The following TTC7A variants were observed in gnomAD, a reference collection of about 807,000 sequenced individuals.
TTC7A encodes the protein tetratricopeptide repeat domain 7A.
Under a neutral mutation model 103.7 loss-of-function variants are expected in TTC7A, and 110 were observed. The observed-to-expected ratio is 1.06, with a 90% confidence interval of 0.91 to 1.24. TTC7A has a LOEUF of 1.24. Ranked by LOEUF, TTC7A falls within the 50% of genes most tolerant of loss-of-function variation. The pLI is 0.00. For synonymous variants in TTC7A, 521 were observed against 467.9 expected (o/e 1.11, Z -1.47); for missense variants, 1,340 against 1,116.3 (o/e 1.20, Z -2.86).
intron 15 of TTC7A, among the ~76,000 whole-genome samples, chr2:47,040,801 C>T (rs1462798919): frequency 6.6e-6 from 1 of 152,190 alleles, no homozygotes; most frequent in African/African-American, 2.4e-5. Context: ...TCCTGTTGTA[C>T]AGGTGTGGGA....
chr2:46,975,245 T>C, intron 4 of TTC7A, 142 bp downstream of exon 4: 1 of 1,111,046 alleles, frequency 9.0e-7, no homozygotes, highest in Admixed American at 2.5e-5. Flanking sequence ...TACTTCATAG[T>C]TGGAAAACTC....
At chr2:46,977,329 G>C (rs888626314) in intron 4 of TTC7A, among the ~76,000 whole-genome samples, 3 of 152,216 alleles carry the variant, frequency 2.0e-5, no homozygotes, top group Non-Finnish European at 4.4e-5. Context: ...TGACCTCTGA[G>C]GAACTAAGAC....
intron 10 of TTC7A, 37 bp downstream of exon 10, chr2:47,006,761 C>T (rs759678272): frequency 9.4e-6 from 14 of 1,494,584 alleles, no homozygotes; most frequent in Non-Finnish European, 1.2e-5. Flanking sequence ...GCACACTCAC[C>T]CGCAGGGGGC....
intron 15 of TTC7A, among the ~76,000 whole-genome samples, chr2:47,045,854 G>A (rs1682257963): frequency 6.6e-6 from 1 of 152,184 alleles, no homozygotes; most frequent in Admixed American, 6.5e-5. Context: ...TTCACTCACG[G>A]ATTCTAAGTC....
intron 3 of TTC7A, among the ~76,000 whole-genome samples, chr2:46,971,096 G>A (rs1203523251): frequency 1.3e-5 from 2 of 152,264 alleles, no homozygotes; most frequent in Non-Finnish European, 2.9e-5. Flanking sequence ...CATCCAGCCA[G>A]CAAATGCTTG....
At chr2:46,984,235 C>A (rs915968708) in intron 5 of TTC7A, among the ~76,000 whole-genome samples, 2 of 152,238 alleles carry the variant, frequency 1.3e-5, no homozygotes, top group Non-Finnish European at 2.9e-5. Context: ...CTGCCCACAG[C>A]AGGAATCCTG....
chr2:46,959,022 G>A (rs1672149846), intron 3 of TTC7A, among the ~76,000 whole-genome samples: 1 of 152,180 alleles, frequency 6.6e-6, no homozygotes, highest in Admixed American at 6.5e-5. Context: ...TGTCGCGGAT[G>A]AGGAGTTAAG....
chr2:46,950,269 G>C, intron 1 of TTC7A, 94 bp from the exon 2 acceptor site: 3 of 1,321,826 alleles, frequency 2.3e-6, no homozygotes, highest in Non-Finnish European at 3.2e-6. Context: ...CATGTACTGG[G>C]TATGGGTGGT....
intron 2 of TTC7A, among the ~76,000 whole-genome samples, chr2:46,956,150 C>G (rs1341949296): frequency 1.3e-5 from 2 of 152,196 alleles, no homozygotes; most frequent in Admixed American, 6.5e-5. Context: ...CTGAGAGTTC[C>G]TCTGTGGGAT....
intron 5 of TTC7A, among the ~76,000 whole-genome samples, chr2:46,983,354 C>T (rs542706478): frequency 3.3e-5 from 5 of 152,208 alleles, no homozygotes; most frequent in Non-Finnish European, 7.3e-5. Context: ...TTTTCGGTTG[C>T]TGAGCTTTGG....
chr2:47,011,504 G>A (rs1015197467), intron 11 of TTC7A, 69 bp downstream of exon 11: 22 of 1,246,878 alleles, frequency 1.8e-5, no homozygotes, highest in East Asian at 7.5e-5. Flanking sequence ...GGCTGTGCAC[G>A]TCTTGACGTG....
At chr2:47,072,917 C>T (rs1486962128) in intron 19 of TTC7A, among the ~76,000 whole-genome samples, 1 of 151,456 alleles carries the variant, frequency 6.6e-6, no homozygotes, top group African/African-American at 2.4e-5. Context: ...TTCCCAGCCT[C>T]TTCTTATGAC....
chr2:47,025,885 C>T (rs919509959), intron 14 of TTC7A, among the ~76,000 whole-genome samples: 65 of 152,240 alleles, frequency 4.3e-4, no homozygotes, highest in African/African-American at 1.4e-3. Flanking sequence ...AGGAGCATCC[C>T]TCCCCTCCCA....
rs143026829 is a variant in TTC7A, at chr2:46,942,134, G to A, written c.184+409G>A. Among the ~76,000 whole-genome samples, 228 of 152,334 alleles carry A rather than the reference G, an allele frequency of 1.5e-3. 3 individuals are homozygous for A. Among genetic ancestry groups the A allele is most frequent in the African/African-American group, 5.1e-3 (212 of 41,560 alleles). On this transcript the variant is annotated intron_variant, in intron 1 of 19. Transcript: ENST00000319190. ...AGTTCTCGCAAGTGACGTTGAAAAC[G>A]GAGCTCCGTCCGAAGCAGACAGGGG...
intron 2 of TTC7A, among the ~76,000 whole-genome samples, chr2:46,932,714 A>G (rs927917386): frequency 1.3e-5 from 2 of 151,866 alleles, no homozygotes; most frequent in Non-Finnish European, 2.9e-5. Context: ...CAGTTTGGCC[A>G]ACAAGGTGAA....
intron 2 of TTC7A, among the ~76,000 whole-genome samples, chr2:46,955,984 C>T (rs1671821301): frequency 6.6e-6 from 1 of 152,176 alleles, no homozygotes; most frequent in South Asian, 2.1e-4. Flanking sequence ...CGGGAGGTTA[C>T]AAGGAGAACT....
chr2:47,050,379 A>C, intron 17 of TTC7A: 1 of 289,468 alleles, frequency 3.5e-6, no homozygotes, highest in Non-Finnish European at 6.7e-6. Context: ...TGTCCTTGGC[A>C]GATCAAGTCA....
intron 3 of TTC7A, among the ~76,000 whole-genome samples, chr2:46,966,380 A>G (rs1030734487): frequency 2.0e-5 from 3 of 152,214 alleles, no homozygotes; most frequent in Non-Finnish European, 2.9e-5. Context: ...ATTTTGAGGT[A>G]TATCTTTCCA....
chr2:47,022,044 G>A (rs150734676), intron 12 of TTC7A, 65 bp downstream of exon 12: 7 of 1,240,714 alleles, frequency 5.6e-6, no homozygotes, highest in East Asian at 2.4e-5. Context: ...TGCCTCAGAG[G>A]CATCTTGTCC....
Sources: gnomAD v4.1 joint callset for allele counts (sites outside exome capture counted in the v4.1 genomes callset) on GRCh38, gnomAD v4.1.1 for gene constraint, MANE v1.5 for transcripts, NCBI Gene and HGNC (gene_info 2026-07-23, HGNC 2026-07-21) for gene names.